Variants in CLPB observed in about 807,000 individuals in gnomAD.
CLPB encodes mitochondrial disaggregase.
In CLPB, 40 loss-of-function variants were observed where a neutral mutation model predicts 78.4. The ratio of observed to expected loss-of-function variants is 0.51; its 90% confidence interval spans 0.40 to 0.66. CLPB has a LOEUF of 0.66. CLPB is among the 30% of genes least tolerant of loss of function. The pLI is 0.00. For missense variants in CLPB, 780 were observed against 886.9 expected (o/e 0.88, Z 1.53); for synonymous variants, 333 against 348.0 (o/e 0.96, Z 0.48).
At chr11:72,372,062 G>A (rs542431291) in intron 4 of CLPB, among the ~76,000 whole-genome samples, 3 of 152,310 alleles carry the variant, frequency 2.0e-5, no homozygotes, top group African/African-American at 7.2e-5. Flanking sequence ...AGCCTATGGT[G>A]TAGGAAATAT....
rs759265435 is a variant in CLPB, at chr11:72,380,401, AGAC to A, written c.543-20_543-18del. 236 of 1,606,598 alleles carry A rather than the reference AGAC, an allele frequency of 1.5e-4. No homozygotes were observed. The highest frequency in any genetic ancestry group is 1.9e-4 in the Non-Finnish European group (218 of 1,173,278). On this transcript the variant is annotated intron_variant, in intron 3 of 15. Coordinates refer to ENST00000538039, the MANE Select transcript of CLPB (RefSeq NM_001258392.3). ...TGTACCACACTAGAAGAAATCACAA[AGAC>A]AGAAGTGTCAAAAGCAAGAAAGGCC...
At chr11:72,307,488 C>A (rs1390416644) in intron 8 of CLPB, among the ~76,000 whole-genome samples, 1 of 152,234 alleles carries the variant, frequency 6.6e-6, no homozygotes, top group East Asian at 1.9e-4. Flanking sequence ...GGATTGAGGC[C>A]TTTTCTCTGT....
intron 11 of CLPB, among the ~76,000 whole-genome samples, chr11:72,301,227 G>A (rs1176070168): frequency 1.3e-5 from 2 of 152,190 alleles, no homozygotes; most frequent in African/African-American, 4.8e-5. Flanking sequence ...CCTACGAGCA[G>A]GGGAACTGGA....
intron 2 of CLPB, among the ~76,000 whole-genome samples, chr11:72,426,852 C>T (rs1241892960): frequency 3.3e-5 from 5 of 152,202 alleles, no homozygotes; most frequent in Non-Finnish European, 7.3e-5. Context: ...TTCAGCTCTA[C>T]TTCTCCAACC....
At chr11:72,294,162 G>T in intron 14 of CLPB, 36 bp from the exon 15 acceptor site, 1 of 1,606,776 alleles carries the variant, frequency 6.2e-7, no homozygotes, top group African/African-American at 1.3e-5. Flanking sequence ...CCTGCATGTG[G>T]CCCACTGCTT....
chr11:72,391,923 G>C (rs946660534), intron 3 of CLPB, among the ~76,000 whole-genome samples: 4 of 152,180 alleles, frequency 2.6e-5, no homozygotes, highest in Non-Finnish European at 5.9e-5. Context: ...TTTCAGGGTG[G>C]TGGGGAGTCA....
At chr11:72,386,844 G>A (rs932494578) in intron 3 of CLPB, among the ~76,000 whole-genome samples, 1 of 152,188 alleles carries the variant, frequency 6.6e-6, no homozygotes, top group African/African-American at 2.4e-5. Context: ...ATTCATAGAA[G>A]TCTGTTGGGT....
At chr11:72,332,258 G>A (rs952034614) in intron 5 of CLPB, among the ~76,000 whole-genome samples, 4 of 151,552 alleles carry the variant, frequency 2.6e-5, no homozygotes, top group East Asian at 1.9e-4. Context: ...TGAGGTGGGC[G>A]GATCACTTGA....
intron 4 of CLPB, among the ~76,000 whole-genome samples, chr11:72,363,787 G>A (rs1208375273): frequency 6.6e-6 from 1 of 152,194 alleles, no homozygotes; most frequent in Non-Finnish European, 1.5e-5. Flanking sequence ...TCTATCTTCT[G>A]TACTGTGCAG....
At chr11:72,304,781 T>C (rs376407965) in intron 9 of CLPB, among the ~76,000 whole-genome samples, 2 of 152,168 alleles carry the variant, frequency 1.3e-5, no homozygotes, top group African/African-American at 2.4e-5. Flanking sequence ...CAGTGCTCAT[T>C]TCATTTCGTC....
At position 72,290,046 on chromosome 11, in the gene CLPB, C is replaced by T. The variant is rs1268535693; in HGVS notation, c.*3321G>A. 6.6e-6 allele frequency: 1 copy of T among 152,202 alleles called. No homozygotes were observed. The highest frequency in any genetic ancestry group is 2.4e-5 in the African/African-American group (1 of 41,436). 9.4% of individuals were successfully genotyped at this position (152,202 alleles called of 1,614,324 possible). A position where few individuals can be genotyped will look rare whatever the true frequency, so the allele number is the denominator to read the frequency against. On this transcript the variant is annotated 3_prime_UTR_variant, in exon 16 of 16. Coordinates refer to ENST00000538039, the MANE Select transcript of CLPB (RefSeq NM_001258392.3). ...CCAGGAGTATATATTCTGTCCAGAT[C>T]TTGGTTTCCAGTGGCATCAAGAAAC...
chr11:72,417,976 C>T (rs532965012), intron 2 of CLPB, among the ~76,000 whole-genome samples: 1 of 152,294 alleles, frequency 6.6e-6, no homozygotes, highest in South Asian at 2.1e-4. Flanking sequence ...ACACAGGCTT[C>T]GCAGGAGGCC....
At chr11:72,329,322 C>T (rs1950181713) in intron 6 of CLPB, among the ~76,000 whole-genome samples, 1 of 152,146 alleles carries the variant, frequency 6.6e-6, no homozygotes, top group Admixed American at 6.5e-5. Flanking sequence ...CTGTAGAATA[C>T]ATGAGGCCTA....
intron 3 of CLPB, among the ~76,000 whole-genome samples, chr11:72,382,661 T>C (rs1435180651): frequency 3.3e-5 from 5 of 152,192 alleles, no homozygotes; most frequent in Non-Finnish European, 7.4e-5. Context: ...AGATCATTCA[T>C]GAACCACACA....
chr11:72,297,636 GGTGT>G (rs67807556), intron 11 of CLPB, among the ~76,000 whole-genome samples: 5,083 of 93,004 alleles, frequency 0.055, 222 homozygotes, highest in Non-Finnish European at 0.071. Flanking sequence ...TTGGGGACCA[GGTGT>G]GTGTGTGTGT....
chr11:72,329,572 A>C (rs1167040923), intron 6 of CLPB, 135 bp downstream of exon 6: 4 of 582,290 alleles, frequency 6.9e-6, no homozygotes, highest in Non-Finnish European at 1.2e-5. Flanking sequence ...TAATACAGAT[A>C]ATATCTGTAT....
chr11:72,364,184 A>C (rs962754454), intron 4 of CLPB, among the ~76,000 whole-genome samples: 1 of 152,072 alleles, frequency 6.6e-6, no homozygotes, highest in East Asian at 1.9e-4. Flanking sequence ...AGTGTATTCC[A>C]ATTACTTTTT....
intron 5 of CLPB, among the ~76,000 whole-genome samples, chr11:72,335,977 G>A (rs986968070): frequency 2.6e-5 from 4 of 152,122 alleles, no homozygotes; most frequent in Non-Finnish European, 5.9e-5. Context: ...AAGAGGTCAG[G>A]TCAGGCCCCG....
chr11:72,388,453 G>A (rs977156445), intron 3 of CLPB, among the ~76,000 whole-genome samples: 3 of 151,912 alleles, frequency 2.0e-5, no homozygotes, highest in Admixed American at 6.6e-5. Context: ...GGGTTTCACC[G>A]TGTTAGCCAG....
Sources: gnomAD v4.1 joint callset for allele counts (sites outside exome capture counted in the v4.1 genomes callset) on GRCh38, gnomAD v4.1.1 for gene constraint, MANE v1.5 for transcripts, NCBI Gene and HGNC (gene_info 2026-07-23, HGNC 2026-07-21) for gene names.